RFTN1: variants seen among roughly 807,000 people sequenced by gnomAD.
RFTN1 encodes the protein raftlin, lipid raft linker 1, also known as raftlin.
Under a neutral mutation model 46.5 loss-of-function variants are expected in RFTN1, and 26 were observed. The ratio of observed to expected loss-of-function variants is 0.56; its 90% CI spans 0.41 to 0.78. The LOEUF (loss-of-function observed/expected upper bound fraction) is 0.78. RFTN1 is among the 30% of genes least tolerant of loss of function. The pLI is 0.00. For synonymous variants in RFTN1, 261 were observed against 284.2 expected, an observed-to-expected ratio of 0.92 and a Z score of 0.82; for missense variants, 693 against 718.7, an observed-to-expected ratio of 0.96 and a Z score of 0.41.
rs1559381275 is a variant in RFTN1 at position 16,506,391 on chromosome 3, C to G, written c.-9+7051G>C. Among the ~76,000 whole-genome samples the G allele has an allele frequency of 6.6e-6, 1 of 152,092 alleles. No individual in the cohort carries two copies. The highest frequency in any genetic ancestry group is 2.4e-5 in the African/African-American group (1 of 41,404). On this transcript the variant is annotated intron_variant, in intron 1 of 9. Transcript: ENST00000334133. This position sits in a 1 kb window ranked among gnomAD's most constrained non-coding sequence, Gnocchi z 4.8. ...AGCTTTACCCTGACTGAGTTGGAAG[C>G]CTCTGGAAGGTTTCGAGCTGAAAGA...
chr3:16,487,083 T>A (rs2076459638), intron 2 of RFTN1, among the ~76,000 whole-genome samples: 1 of 152,174 alleles, frequency 6.6e-6, no homozygotes, highest in Admixed American at 6.5e-5. Flanking sequence ...GCTGGCACCT[T>A]GATATCCAGG....
chr3:16,409,084 G>A (rs1302742759), intron 4 of RFTN1, among the ~76,000 whole-genome samples: 1 of 152,212 alleles, frequency 6.6e-6, no homozygotes, highest in African/African-American at 2.4e-5. Flanking sequence ...TTACCATGAG[G>A]GTTTGAAAGG....
intron 2 of RFTN1, among the ~76,000 whole-genome samples, chr3:16,438,673 G>A (rs1027158295): frequency 3.5e-5 from 5 of 143,614 alleles, no homozygotes; most frequent in African/African-American, 1.3e-4. Context: ...CCCCAGTCAT[G>A]TGAACACTCA....
intron 3 of RFTN1, among the ~76,000 whole-genome samples, chr3:16,419,048 A>G (rs532389616): frequency 3.9e-5 from 6 of 152,370 alleles, no homozygotes; most frequent in African/African-American, 1.4e-4. Flanking sequence ...AATGGATAAA[A>G]GGACATTCTA....
chr3:16,343,227 A>G (rs936200196), intron 7 of RFTN1, among the ~76,000 whole-genome samples: 1 of 152,180 alleles, frequency 6.6e-6, no homozygotes, highest in Non-Finnish European at 1.5e-5. Flanking sequence ...TGCCTAAAAC[A>G]TCACTCCTAA....
chr3:16,368,625 C>T (rs896598937), intron 6 of RFTN1, among the ~76,000 whole-genome samples: 8 of 145,760 alleles, frequency 5.5e-5, no homozygotes, highest in Non-Finnish European at 9.0e-5. Context: ...GAGCCGAGAT[C>T]GCGCCACTGC....
chr3:16,390,155 C>A (rs1454933545), intron 4 of RFTN1, among the ~76,000 whole-genome samples: 1 of 152,176 alleles, frequency 6.6e-6, no homozygotes, highest in African/African-American at 2.4e-5. Flanking sequence ...TAAATGACTG[C>A]TATTGTTTAA....
intron 1 of RFTN1, among the ~76,000 whole-genome samples, chr3:16,495,835 G>T (rs921829403): frequency 6.6e-6 from 1 of 152,232 alleles, no homozygotes; most frequent in African/African-American, 2.4e-5. Flanking sequence ...GCACAGCAAG[G>T]TCTGGATTTA....
rs538505652 is a variant in RFTN1 at position 16,317,436 on chromosome 3, A to G, written c.1333-204T>C. On this transcript the variant is annotated intron_variant, in intron 9 of 9. Transcript: ENST00000334133. This position sits in a 1 kb window ranked among gnomAD's most constrained non-coding sequence, Gnocchi z 4.3. ...CCCAAGAGCCTGCACCACACCTTCC[A>G]GGATGTGTATTTTAGATGTAGATTT... Among the ~76,000 whole-genome samples, 15 of 152,126 alleles carry G rather than the reference A, an allele frequency of 9.9e-5. No homozygotes were observed. Among genetic ancestry groups the G allele is most frequent in the African/African-American group, 7.2e-5 (3 of 41,520 alleles).
intron 4 of RFTN1, among the ~76,000 whole-genome samples, chr3:16,408,441 A>G (rs552640341): frequency 6.6e-6 from 1 of 152,044 alleles, no homozygotes; most frequent in Non-Finnish European, 1.5e-5. Flanking sequence ...TCAAATCACA[A>G]TCACCTGTAT....
rs2071389318 is a variant in RFTN1, at chr3:16,342,609, CTT to C, written c.1146+15321_1146+15322del. On this transcript the variant is annotated intron_variant, in intron 7 of 9. Transcript: ENST00000334133. The surrounding 1 kb of genome is among the most constrained non-coding windows in gnomAD (Gnocchi z 4.0). Reference sequence around the variant, plus strand: ...ATTTTGGGAAAGTGTCCATGGATCACTTTTATAAAAATAAAAAAAGTTATAAG... The same window carrying C: ...ATTTTGGGAAAGTGTCCATGGATCACTTATAAAAATAAAAAAAGTTATAAG... 6.6e-6 allele frequency among the ~76,000 whole-genome samples: 1 copy of C among 152,128 alleles called. No individual in the cohort carries two copies. Among genetic ancestry groups the C allele is most frequent in the African/African-American group, 2.4e-5 (1 of 41,422 alleles).
rs1444860836 is a variant in RFTN1 at position 16,385,898 on chromosome 3, A to G, written c.442-7796T>C. On this transcript the variant is annotated intron_variant, in intron 4 of 9. Transcript: ENST00000334133. The surrounding 1 kb of genome is among the most constrained non-coding windows in gnomAD (Gnocchi z 5.0). Reference sequence around the variant, plus strand: ...ACCTTGGCCCATGAGAACTGCCATCATCCAAGTAGGACCATTGAGGAAAAG... The same window carrying G: ...ACCTTGGCCCATGAGAACTGCCATCGTCCAAGTAGGACCATTGAGGAAAAG... Among the ~76,000 whole-genome samples, 1 of 152,232 alleles carries G rather than the reference A, an allele frequency of 6.6e-6. No individual in the cohort carries two copies. The highest frequency in any genetic ancestry group is 1.5e-5 in the Non-Finnish European group (1 of 68,046).
intron 4 of RFTN1, among the ~76,000 whole-genome samples, chr3:16,396,810 C>T (rs2074479043): frequency 6.6e-6 from 1 of 152,146 alleles, no homozygotes; most frequent in Admixed American, 6.5e-5. Context: ...CACCTGTAAT[C>T]CCAGCACTTC....
intron 4 of RFTN1, among the ~76,000 whole-genome samples, chr3:16,395,929 A>T (rs965344397): frequency 1.2e-4 from 18 of 152,318 alleles, no homozygotes; most frequent in Non-Finnish European, 2.1e-4. Context: ...CTTGTAAAAA[A>T]TTTTTTAAAA....
chr3:16,445,447 C>T (rs1475619080), intron 2 of RFTN1, among the ~76,000 whole-genome samples: 2 of 148,872 alleles, frequency 1.3e-5, no homozygotes, highest in Non-Finnish European at 3.0e-5. Flanking sequence ...CTGTCTGTTG[C>T]CATTTTTTCT....
intron 8 of RFTN1, among the ~76,000 whole-genome samples, chr3:16,326,009 C>A (rs894915333): frequency 6.6e-6 from 1 of 152,228 alleles, no homozygotes; most frequent in South Asian, 2.1e-4. Context: ...GTTTCTGCCA[C>A]TTACTGGCTG....
intron 4 of RFTN1, among the ~76,000 whole-genome samples, chr3:16,388,563 A>T (rs1263284600): frequency 6.6e-6 from 1 of 152,228 alleles, no homozygotes; most frequent in Non-Finnish European, 1.5e-5. Flanking sequence ...GCCTAGAGAC[A>T]TTAAGGGGGT....
chr3:16,330,715 T>C (rs2070225010), intron 7 of RFTN1, among the ~76,000 whole-genome samples: 1 of 152,238 alleles, frequency 6.6e-6, no homozygotes, highest in East Asian at 1.9e-4. Flanking sequence ...GGCTCTTTTT[T>C]CCTTTGTTCC....
rs995821992 is a variant in RFTN1 at position 16,447,887 on chromosome 3, C to A, written c.146-13850G>T. Among the ~76,000 whole-genome samples the A allele has an allele frequency of 1.3e-5, 2 of 152,174 alleles. No individual in the cohort carries two copies. The highest frequency in any genetic ancestry group is 2.9e-5 in the Non-Finnish European group (2 of 68,020). ...TGGAGAAGTCTGGCCTTTGAGGTTA[C>A]GCATGAGGATCTGATAGGCATTTGT... On this transcript the variant is annotated intron_variant, in intron 2 of 9. Coordinates refer to ENST00000334133, the MANE Select transcript of RFTN1 (RefSeq NM_015150.2). The surrounding 1 kb of genome is among the most constrained non-coding windows in gnomAD (Gnocchi z 5.9).
Sources: allele counts gnomAD v4.1 joint callset (sites outside exome capture counted in the v4.1 genomes callset), GRCh38; gene constraint gnomAD v4.1.1; non-coding constraint Gnocchi (gnomAD v3.1); transcripts MANE v1.5; gene names NCBI Gene and HGNC (gene_info 2026-07-23, HGNC 2026-07-21).